The following MXI1 variants were observed in gnomAD, a reference collection of about 807,000 sequenced individuals.
MXI1 encodes max-interacting protein 1.
A neutral mutation model predicts 36.9 loss-of-function variants in MXI1; 18 were observed. That is an observed-to-expected ratio of 0.49 (90% CI 0.34 to 0.72). The LOEUF is 0.72. Among genes scored for constraint, MXI1 ranks in the 30% least tolerant of loss-of-function variants. The pLI, the probability that MXI1 is intolerant of heterozygous loss-of-function variation, is 0.01. For missense variants in MXI1, 304 were observed against 379.1 expected, an observed-to-expected ratio of 0.80 and a Z score of 1.64; for synonymous variants, 160 against 146.7, an observed-to-expected ratio of 1.09 and a Z score of -0.65.
chr10:110,251,480 TA>T (rs1856084952), intron 3 of MXI1, among the ~76,000 whole-genome samples: 1 of 152,150 alleles, frequency 6.6e-6, no homozygotes. Flanking sequence ...AAGTTACCAG[TA>T]AATGTCTAGA....
intron 3 of MXI1, among the ~76,000 whole-genome samples, chr10:110,263,971 T>C (rs141623938): frequency 1.0e-3 from 152 of 152,316 alleles, no homozygotes; most frequent in African/African-American, 3.4e-3. Flanking sequence ...TAGGAAAATA[T>C]CTCAGGATGT....
At chr10:110,244,112 C>G (rs1179428417) in intron 2 of MXI1, among the ~76,000 whole-genome samples, 4 of 151,998 alleles carry the variant, frequency 2.6e-5, no homozygotes, top group African/African-American at 9.7e-5. Flanking sequence ...TCCCACTGTT[C>G]CCCAGATGCT....
intron 5 of MXI1, among the ~76,000 whole-genome samples, chr10:110,282,285 G>A: frequency 7.5e-6 from 1 of 133,904 alleles, no homozygotes; most frequent in Non-Finnish European, 1.8e-5. Context: ...CAGATTTGCT[G>A]AGTAGGAGCC....
intron 2 of MXI1, among the ~76,000 whole-genome samples, chr10:110,231,168 A>G (rs954545600): frequency 1.3e-5 from 2 of 152,112 alleles, no homozygotes; most frequent in African/African-American, 4.8e-5. Flanking sequence ...GGAGTTCGAG[A>G]CCAGCCTGGC....
At chr10:110,218,311 G>C (rs897077168) in intron 1 of MXI1, among the ~76,000 whole-genome samples, 1 of 152,182 alleles carries the variant, frequency 6.6e-6, no homozygotes, top group East Asian at 1.9e-4. Context: ...TTAGCCGGGC[G>C]TGGTGGCGGG....
intron 2 of MXI1, among the ~76,000 whole-genome samples, chr10:110,235,282 AG>A (rs1855416163): frequency 6.6e-6 from 1 of 152,234 alleles, no homozygotes; most frequent in African/African-American, 2.4e-5. Flanking sequence ...GATACTTTGT[AG>A]TACTGTTTAT....
intron 3 of MXI1, among the ~76,000 whole-genome samples, chr10:110,250,760 A>T (rs902213378): frequency 1.3e-5 from 2 of 149,210 alleles, no homozygotes; most frequent in East Asian, 4.1e-4. Flanking sequence ...TGAACCTGGG[A>T]GGTAGAGGTT....
chr10:110,216,774 C>G (rs993486132), intron 1 of MXI1, among the ~76,000 whole-genome samples: 4 of 148,128 alleles, frequency 2.7e-5, no homozygotes, highest in African/African-American at 1.0e-4. Flanking sequence ...TCAAGTGATC[C>G]TCCTGCCTCA....
In MXI1 at chr10:110,243,050, T is replaced by C. The variant is rs144239008; in HGVS notation, c.408-1778T>C. ...TTCAAATTTTGAATTATATTTTTTC[T>C]TCTAAACGTCTTTAAATAGGCCTTT... On this transcript the variant is annotated intron_variant, in intron 2 of 5. Transcript: ENST00000332674. 1.8e-3 allele frequency among the ~76,000 whole-genome samples: 276 copies of C among 152,148 alleles called. 1 individual carries two copies. The highest frequency in any genetic ancestry group is 5.9e-3 in the African/African-American group (246 of 41,562).
At chr10:110,214,847 T>G (rs1400381911) in intron 1 of MXI1, among the ~76,000 whole-genome samples, 4 of 139,256 alleles carry the variant, frequency 2.9e-5, no homozygotes, top group African/African-American at 1.3e-4. Context: ...TTTTGAGTTT[T>G]TTTTTTTTTT....
intron 2 of MXI1, among the ~76,000 whole-genome samples, chr10:110,240,988 A>T (rs1855651554): frequency 6.6e-6 from 1 of 151,892 alleles, no homozygotes. Flanking sequence ...ACCATTTCGT[A>T]TAGTTTCATT....
chr10:110,279,885 C>CA (rs1564727178), intron 4 of MXI1, 29 bp from the exon 5 acceptor site: 1 of 1,575,766 alleles, frequency 6.3e-7, no homozygotes, highest in East Asian at 2.2e-5. Flanking sequence ...GGACTATACA[C>CA]AAATGTAAAA....
intron 1 of MXI1, among the ~76,000 whole-genome samples, chr10:110,221,392 G>T (rs1323417511): frequency 1.3e-5 from 2 of 152,110 alleles, no homozygotes; most frequent in Non-Finnish European, 2.9e-5. Flanking sequence ...ATGTTATTTG[G>T]GGAAATATTC....
In MXI1 at chr10:110,208,960, C is replaced by T. The variant is rs1241215671; in HGVS notation, c.274+878C>T. ...CTCTTGAGTGAGCGCACAGGGCAAG[C>T]AAGGCAAACGCCTTCCTGGTCGATT... On this transcript the variant is annotated intron_variant, in intron 1 of 5. Coordinates refer to ENST00000332674, the MANE Select transcript of MXI1 (RefSeq NM_130439.3). 2.6e-5 allele frequency among the ~76,000 whole-genome samples: 4 copies of T among 152,202 alleles called. No homozygotes were observed. The South Asian group carries it at 8.3e-4, about 31-fold the overall frequency.
chr10:110,242,748 A>C (rs529629282), intron 2 of MXI1, among the ~76,000 whole-genome samples: 1 of 152,126 alleles, frequency 6.6e-6, no homozygotes, highest in South Asian at 2.1e-4. Flanking sequence ...TAATATTGGA[A>C]TTCAACAATT....
chr10:110,279,257 C>T lies in MXI1; in HGVS notation c.515C>T (p.Thr172Ile). 1 of 1,614,166 alleles carries T rather than the reference C, an allele frequency of 6.2e-7. No individual in the cohort carries two copies. Among genetic ancestry groups the T allele is most frequent in the Non-Finnish European group, 8.5e-7 (1 of 1,180,016 alleles). Residue 172 changes from threonine (T) to isoleucine (I), a missense_variant, in exon 4 of 6, where the codon ACA (threonine) becomes ATA (isoleucine). Around this residue, in one of 2 missense-constraint regions of MXI1, gnomAD observed 125 missense variants for 194.3 expected, o/e 0.64. Coordinates refer to ENST00000332674, the MANE Select transcript of MXI1 (RefSeq NM_130439.3). ...GGACCAGACTGCACCCGGCACACAA[C>T]ACTTGGTTTGCTCAACAAAGCCAAA... The part of the protein sequence containing the change: ...PLGPDCTRHT[T>I]LGLLNKAKAH...
chr10:110,260,728 T>C (rs1325310425), intron 3 of MXI1, among the ~76,000 whole-genome samples: 2 of 151,976 alleles, frequency 1.3e-5, no homozygotes, highest in African/African-American at 4.8e-5. Context: ...ACAAACACAT[T>C]CCTCAAAGCT....
chr10:110,261,039 C>A (rs1390972841), intron 3 of MXI1: 1 of 984,754 alleles, frequency 1.0e-6, no homozygotes, highest in African/African-American at 1.7e-5. Context: ...TGGAGTGAGC[C>A]ATATACCAGG....
rs1857181113 is a variant in MXI1, at chr10:110,280,176, C to T, written c.724+91C>T. On this transcript the variant is annotated intron_variant, in intron 5 of 5. Coordinates refer to ENST00000332674, the MANE Select transcript of MXI1 (RefSeq NM_130439.3). ...TGTTGGGAGGCACTGTATTTGCTTT[C>T]TTTCTAGCCAACAGAGTAACATTGT... The T allele has an allele frequency of 4.5e-6, 5 of 1,101,860 alleles. No homozygotes were observed. The Admixed American group carries it at 8.7e-5, about 19-fold the overall frequency. 68.3% of individuals were successfully genotyped at this position (1,101,860 alleles called of 1,614,324 possible). A position where few individuals can be genotyped will look rare whatever the true frequency, so the allele number is the denominator to read the frequency against.
Sources: allele counts gnomAD v4.1 joint callset (sites outside exome capture counted in the v4.1 genomes callset), GRCh38; gene constraint gnomAD v4.1.1; regional missense constraint gnomAD v4.1.1; transcripts MANE v1.5; gene names NCBI Gene and HGNC (gene_info 2026-07-23, HGNC 2026-07-21).